RFC1: variants seen among roughly 807,000 people sequenced by gnomAD.
RFC1 encodes replication factor C subunit 1.
RFC1 carries 37 observed loss-of-function variants against 137.4 expected under a neutral mutation model. That is an observed-to-expected ratio of 0.27 (90% CI 0.21 to 0.35). The LOEUF is 0.35. Ranked by LOEUF, RFC1 falls within the 10% of genes least tolerant of loss-of-function variation. The pLI is 1.00. For missense variants in RFC1, 1,205 were observed against 1,358.5 expected (o/e 0.89, Z 1.78); for synonymous variants, 429 against 455.7 (o/e 0.94, Z 0.75).
chr4:39,291,660 G>C lies in RFC1; in HGVS notation c.3147C>G (p.Pro1049=). 1 of 1,613,642 alleles carries C rather than the reference G, an allele frequency of 6.2e-7. No individual in the cohort carries two copies. Residue 1049 remains proline, a synonymous_variant, in exon 23 of 25, where the codon CCC becomes CCG. Transcript: ENST00000349703. The part of the protein sequence containing the change: ...EISSWGGKPS[P]FSKLDPKVKA... ...TTACCTTGGGATCCAGCTTTGAAAA[G>C]GGACTAGGTTTGCCACCCCAGCTGC...
Position 39,312,816 on chromosome 4 carries a change from T to C in RFC1, c.1319A>G (p.Asn440Ser). The C allele has an allele frequency of 6.2e-7, 1 of 1,614,152 alleles. No individual in the cohort carries two copies. The highest frequency in any genetic ancestry group is 8.5e-7 in the Non-Finnish European group (1 of 1,180,018). Reference protein sequence around the residue: ...IERYGGKVTGNVSKKTNYLVM... With the variant: ...IERYGGKVTGSVSKKTNYLVM... ...AAGATAATTTGTTTTCTTGCTGACA[T>C]TTCCTGTTACTTTTCCCCCATAACG... is the stretch of plus-strand genomic sequence containing the variant. Residue 440 changes from asparagine (N) to serine (S), a missense_variant, in exon 11 of 25, where the codon AAT becomes AGT. Physicochemically the swap from Asn to Ser is conservative, Grantham distance 46. Coordinates refer to ENST00000349703, the MANE Select transcript of RFC1 (RefSeq NM_002913.5).
At chr4:39,312,548 T>A (rs1178322033) in intron 11 of RFC1, among the ~76,000 whole-genome samples, 1 of 152,178 alleles carries the variant, frequency 6.6e-6, no homozygotes, top group Non-Finnish European at 1.5e-5. Flanking sequence ...AAAAGTCAAG[T>A]AAACAGGAAC....
At position 39,320,365 on chromosome 4, in the gene RFC1, A is replaced by C. The variant is rs764164768; in HGVS notation, c.1095+18T>G. On this transcript the variant is annotated intron_variant, in intron 9 of 24. Coordinates refer to ENST00000349703, the MANE Select transcript of RFC1 (RefSeq NM_002913.5). Reference sequence around the variant, plus strand: ...ACTCCATCTCAAAAAAAAAAAAAAAAAAAAACAAAGTTCTTACCTCTTTTT... The same window carrying C: ...ACTCCATCTCAAAAAAAAAAAAAAACAAAAACAAAGTTCTTACCTCTTTTT... 100 of 1,486,278 alleles carry C rather than the reference A, an allele frequency of 6.7e-5. 1 individual carries two copies. The Admixed American group carries it at 2.3e-3, about 34-fold the overall frequency. 92.1% of individuals were successfully genotyped at this position (1,486,278 alleles called of 1,614,324 possible).
intron 1 of RFC1, among the ~76,000 whole-genome samples, chr4:39,363,537 T>G (rs1247401980): frequency 1.3e-5 from 2 of 152,154 alleles, no homozygotes; most frequent in Non-Finnish European, 1.5e-5. Flanking sequence ...TTAATTGGAA[T>G]TTTTGTTTTC....
At chr4:39,323,698 C>T (rs796472794) in intron 6 of RFC1, among the ~76,000 whole-genome samples, 18 of 152,216 alleles carry the variant, frequency 1.2e-4, no homozygotes, top group African/African-American at 4.1e-4. Context: ...GAGGTCTGTA[C>T]TTTTCTCTTA....
At chr4:39,310,864 G>A (rs964885711) in intron 12 of RFC1, among the ~76,000 whole-genome samples, 6 of 152,042 alleles carry the variant, frequency 3.9e-5, no homozygotes, top group Admixed American at 1.3e-4. Flanking sequence ...GAATATGGCC[G>A]GGAACAGTGG....
At chr4:39,302,938 T>A in intron 16 of RFC1, 64 bp from the exon 17 acceptor site, 1 of 1,525,090 alleles carries the variant, frequency 6.6e-7, no homozygotes. Context: ...ACACAAGCTA[T>A]TTTAGGTTCT....
rs752118004 is a variant in RFC1 at position 39,290,055 on chromosome 4, A to G, written c.3169-16T>C. 9.6e-6 allele frequency: 15 copies of G among 1,570,494 alleles called. No individual in the cohort carries two copies. In the South Asian group the frequency reaches 1.8e-4, roughly 18 times the overall value. Reference sequence around the variant, plus strand: ...CTGCTTTCACCTATATGAAAGGAGTAGATGGAGTTTTTAAAAATCTAAGTC... The same window carrying G: ...CTGCTTTCACCTATATGAAAGGAGTGGATGGAGTTTTTAAAAATCTAAGTC... On this transcript the variant is annotated splice_polypyrimidine_tract_variant and intron_variant, in intron 23 of 24. Coordinates refer to ENST00000349703, the MANE Select transcript of RFC1 (RefSeq NM_002913.5).
chr4:39,296,507 G>C (rs9306972), intron 21 of RFC1, among the ~76,000 whole-genome samples: 8,562 of 134,808 alleles, frequency 0.064, 882 homozygotes, highest in African/African-American at 0.23. Flanking sequence ...GTGGTGTTTG[G>C]TTTTTTGTTC....
At chr4:39,342,129 C>T (rs1740629233) in intron 4 of RFC1, among the ~76,000 whole-genome samples, 1 of 152,058 alleles carries the variant, frequency 6.6e-6, no homozygotes, top group Admixed American at 6.6e-5. Context: ...TCAATACAAG[C>T]ACTTAAAAAA....
intron 13 of RFC1, among the ~76,000 whole-genome samples, chr4:39,307,702 CA>C (rs2109628171): frequency 6.7e-6 from 1 of 150,058 alleles, no homozygotes; most frequent in Non-Finnish European, 1.5e-5. Flanking sequence ...GGCAACAGAG[CA>C]AGACTCTGTC....
intron 1 of RFC1, among the ~76,000 whole-genome samples, chr4:39,356,660 A>C (rs1351432274): frequency 6.6e-6 from 1 of 152,212 alleles, no homozygotes; most frequent in Non-Finnish European, 1.5e-5. Flanking sequence ...GAGTTTCTAT[A>C]ATTGATTTTC....
At chr4:39,306,310 G>T (rs1738651938) in intron 14 of RFC1, among the ~76,000 whole-genome samples, 1 of 152,186 alleles carries the variant, frequency 6.6e-6, no homozygotes, top group East Asian at 1.9e-4. Flanking sequence ...TAGAATACAT[G>T]TTTTTGTTAT....
At chr4:39,304,171 A>G (rs1738514305) in intron 15 of RFC1, among the ~76,000 whole-genome samples, 1 of 152,226 alleles carries the variant, frequency 6.6e-6, no homozygotes, top group African/African-American at 2.4e-5. Flanking sequence ...ACAACACACC[A>G]TAGACTCTAA....
At chr4:39,318,072 G>A (rs1385857125) in intron 9 of RFC1, 5 of 152,218 alleles carry the variant, frequency 3.3e-5, no homozygotes, top group Non-Finnish European at 5.9e-5. Context: ...CAGGAGAATG[G>A]CGTGAACCCA....
At chr4:39,291,616 A>G in intron 23 of RFC1, 23 bp downstream of exon 23, 1 of 1,533,598 alleles carries the variant, frequency 6.5e-7, no homozygotes, top group East Asian at 2.2e-5. Flanking sequence ...AGTGACGAAG[A>G]ACCAGTGAGT....
intron 4 of RFC1, among the ~76,000 whole-genome samples, chr4:39,332,615 A>G (rs921244370): frequency 6.6e-6 from 1 of 152,234 alleles, no homozygotes; most frequent in African/African-American, 2.4e-5. Flanking sequence ...ACTCCTTAGG[A>G]AAGTTTTTCC....
chr4:39,317,147 G>C, intron 9 of RFC1, 125 bp from the exon 10 acceptor site: 1 of 610,974 alleles, frequency 1.6e-6, no homozygotes, highest in Non-Finnish European at 2.9e-6. Flanking sequence ...GAAATTAACA[G>C]TTTTAGCTAC....
chr4:39,357,751 G>A (rs1209558532), intron 1 of RFC1, among the ~76,000 whole-genome samples: 8 of 151,738 alleles, frequency 5.3e-5, no homozygotes, highest in Admixed American at 3.3e-4. Context: ...CAAGTAGCTG[G>A]GATTACAGGT....
Sources: gnomAD v4.1 joint callset for allele counts (sites outside exome capture counted in the v4.1 genomes callset) on GRCh38, gnomAD v4.1.1 for gene constraint, MANE v1.5 for transcripts, NCBI Gene and HGNC (gene_info 2026-07-23, HGNC 2026-07-21) for gene names.